The following UST variants were observed in gnomAD, a reference collection of about 807,000 sequenced individuals.
UST encodes the protein uronyl 2-sulfotransferase, also known as chondroitin sulfate 2-O-sulfotransferase.
In UST, 21 loss-of-function variants were observed where a neutral mutation model predicts 45.6. The ratio of observed to expected loss-of-function variants is 0.46; its 90% CI spans 0.33 to 0.66. The LOEUF is 0.66. Ranked by LOEUF, UST falls within the 30% of genes least tolerant of loss-of-function variation. UST has a pLI of 0.02. For missense variants in UST, 463 were observed against 512.4 expected, an observed-to-expected ratio of 0.90 and a Z score of 0.93; for synonymous variants, 215 against 200.6, an observed-to-expected ratio of 1.07 and a Z score of -0.61.
rs369929798 is a variant in UST, at chr6:149,056,972, C to G, written c.938-16861C>G. Among the ~76,000 whole-genome samples the G allele has an allele frequency of 3.3e-5, 5 of 152,268 alleles. 1 individual carries two copies. Among genetic ancestry groups the G allele is most frequent in the Admixed American group, 2.0e-4 (3 of 15,296 alleles). On this transcript the variant is annotated intron_variant, in intron 7 of 7. Transcript: ENST00000367463. ...CCCTTCAAGGGTTTATCAAAATTTC[C>G]CCATGTTTAACATTCCAGAGAGAAC... is the stretch of plus-strand genomic sequence containing the variant.
intron 1 of UST, among the ~76,000 whole-genome samples, chr6:148,855,340 C>G (rs978960420): frequency 2.6e-5 from 4 of 152,198 alleles, no homozygotes. Flanking sequence ...AGTGCTCTAA[C>G]AATTTCCTTT....
intron 1 of UST, among the ~76,000 whole-genome samples, chr6:148,763,816 C>A (rs973309039): frequency 1.3e-5 from 2 of 152,080 alleles, no homozygotes; most frequent in African/African-American, 4.8e-5. Flanking sequence ...AGGTAAGCGG[C>A]TTTATTTCTG....
chr6:148,922,719 C>T (rs1025315305), intron 2 of UST, among the ~76,000 whole-genome samples: 4 of 151,534 alleles, frequency 2.6e-5, no homozygotes, highest in South Asian at 2.1e-4. Flanking sequence ...GTGATCCGCC[C>T]GCCTCGGCCT....
chr6:149,060,078 C>A (rs1487540859), intron 7 of UST, among the ~76,000 whole-genome samples: 2 of 152,208 alleles, frequency 1.3e-5, no homozygotes, highest in Non-Finnish European at 2.9e-5. Flanking sequence ...CATTCTCTTT[C>A]ATCAAAGGAA....
chr6:148,896,426 T>C (rs1779131291), intron 2 of UST, among the ~76,000 whole-genome samples: 1 of 152,186 alleles, frequency 6.6e-6, no homozygotes, highest in African/African-American at 2.4e-5. Flanking sequence ...TGGCCACAGC[T>C]CCTGAAGCCA....
intron 5 of UST, among the ~76,000 whole-genome samples, chr6:149,001,890 A>G (rs1781556151): frequency 6.6e-6 from 1 of 152,236 alleles, no homozygotes; most frequent in African/African-American, 2.4e-5. Context: ...AAGTTGCTAA[A>G]ATTCATCTCC....
At chr6:148,998,069 C>G (rs1203099924) in intron 5 of UST, among the ~76,000 whole-genome samples, 1 of 152,222 alleles carries the variant, frequency 6.6e-6, no homozygotes, top group African/African-American at 2.4e-5. Flanking sequence ...AAACGAAATT[C>G]TGAACCTCTT....
intron 2 of UST, among the ~76,000 whole-genome samples, chr6:148,923,876 G>T (rs1285748247): frequency 6.6e-6 from 1 of 152,174 alleles, no homozygotes; most frequent in East Asian, 1.9e-4. Context: ...TTTTCAGCTG[G>T]GCTGAGGGCT....
chr6:149,016,877 A>G (rs1031478396), intron 5 of UST, among the ~76,000 whole-genome samples: 1 of 152,090 alleles, frequency 6.6e-6, no homozygotes, highest in Non-Finnish European at 1.5e-5. Context: ...CCCTGTTGCC[A>G]CTGCTGCAGA....
At chr6:148,995,135 G>A (rs74916449) in intron 5 of UST, among the ~76,000 whole-genome samples, 6 of 152,096 alleles carry the variant, frequency 3.9e-5, no homozygotes, top group Middle Eastern at 3.4e-3. Flanking sequence ...AGCTATTCTC[G>A]TACCTCAGCT....
rs1775885324 is a variant in UST, at chr6:148,747,351, C to G, written c.-80C>G. The G allele has an allele frequency of 1.5e-6, 2 of 1,352,990 alleles. No individual in the cohort carries two copies. Among genetic ancestry groups the G allele is most frequent in the Admixed American group, 7.7e-5 (2 of 25,870 alleles). The allele number at this position is 1,352,990 out of a possible 1,614,324, so 83.8% of individuals were successfully genotyped here. On this transcript the variant is annotated 5_prime_UTR_variant, in exon 1 of 8. Transcript: ENST00000367463. ...CGCGGCCCTCCCCATGTGCAGCCGG[C>G]CAGCCGGGCTCTCCTCCTCGCGGCG...
At chr6:148,895,125 AT>A (rs1562292449) in intron 2 of UST, among the ~76,000 whole-genome samples, 2 of 152,032 alleles carry the variant, frequency 1.3e-5, no homozygotes, top group African/African-American at 4.8e-5. Flanking sequence ...ATTTCAGTGC[AT>A]TTTTAAGTTT....
chr6:149,023,000 C>T (rs1404267662), intron 7 of UST, among the ~76,000 whole-genome samples: 4 of 152,236 alleles, frequency 2.6e-5, no homozygotes, highest in South Asian at 2.1e-4. Flanking sequence ...AACATAAACT[C>T]CGTTCTTTGT....
chr6:148,754,403 G>A (rs573638331), intron 1 of UST, among the ~76,000 whole-genome samples: 35 of 152,144 alleles, frequency 2.3e-4, no homozygotes, highest in Admixed American at 7.9e-4. Flanking sequence ...TTGTGCACTC[G>A]TCACCCAAGG....
intron 5 of UST, chr6:148,993,111 T>A (rs1781386744): frequency 5.1e-6 from 5 of 975,156 alleles, no homozygotes; most frequent in Non-Finnish European, 6.1e-6. Flanking sequence ...TCAGTTAACA[T>A]CTTAAATGCC....
chr6:149,018,412 A>C (rs891955906), intron 5 of UST, among the ~76,000 whole-genome samples: 1 of 152,156 alleles, frequency 6.6e-6, no homozygotes, highest in African/African-American at 2.4e-5. Flanking sequence ...CCTTAGAAAT[A>C]CCTGAGAATG....
At chr6:149,044,835 C>G (rs1282782450) in intron 7 of UST, among the ~76,000 whole-genome samples, 2 of 152,210 alleles carry the variant, frequency 1.3e-5, no homozygotes, top group Non-Finnish European at 2.9e-5. Context: ...CTTCCAATAA[C>G]ACGTGCTTTG....
At chr6:149,004,266 C>T (rs1331649197) in intron 5 of UST, among the ~76,000 whole-genome samples, 1 of 152,222 alleles carries the variant, frequency 6.6e-6, no homozygotes, top group African/African-American at 2.4e-5. Flanking sequence ...AACAGCTGGA[C>T]TGCAGAAGGG....
intron 1 of UST, among the ~76,000 whole-genome samples, chr6:148,786,088 A>G (rs1160174776): frequency 6.6e-6 from 1 of 151,476 alleles, no homozygotes; most frequent in Admixed American, 6.6e-5. Context: ...CTACCATGAC[A>G]GATCTTTTTT....
Sources: allele counts gnomAD v4.1 joint callset (sites outside exome capture counted in the v4.1 genomes callset), GRCh38; gene constraint gnomAD v4.1.1; transcripts MANE v1.5; gene names NCBI Gene and HGNC (gene_info 2026-07-23, HGNC 2026-07-21).